The following CCSER1 variants were observed in gnomAD, a reference collection of about 807,000 sequenced individuals.
CCSER1 encodes coiled-coil serine rich protein 1, also known as serine-rich coiled-coil domain-containing protein 1.
A neutral mutation model predicts 82.0 loss-of-function variants in CCSER1; 41 were observed. The ratio of observed to expected loss-of-function variants is 0.50; its 90% CI spans 0.39 to 0.65. The LOEUF (loss-of-function observed/expected upper bound fraction) is 0.65. CCSER1 is among the 30% of genes least tolerant of loss of function. The pLI, the probability that CCSER1 is intolerant of heterozygous loss-of-function variation, is 0.00. For missense variants in CCSER1, 1,119 were observed against 1,064.2 expected, an observed-to-expected ratio of 1.05 and a Z score of -0.72; for synonymous variants, 414 against 383.9, an observed-to-expected ratio of 1.08 and a Z score of -0.92.
chr4:91,135,643 G>A (rs1728391585), intron 10 of CCSER1, among the ~76,000 whole-genome samples: 1 of 151,974 alleles, frequency 6.6e-6, no homozygotes, highest in Non-Finnish European at 1.5e-5. Context: ...TAGATGCACA[G>A]ACACCTACAC....
intron 10 of CCSER1, among the ~76,000 whole-genome samples, chr4:91,363,356 T>TG (rs376582128): frequency 0.15 from 1,752 of 11,920 alleles, 27 homozygotes; most frequent in South Asian, 0.3. Context: ...ATGGAGATAT[T>TG]TTGTGTGTGT....
chr4:90,782,521 A>G lies in CCSER1; in HGVS notation c.2011-33241A>G, dbSNP rs545924307. Reference sequence around the variant, plus strand: ...TGAAACAAAGGCAGGGAAAGCAGTTATGAATATTTCTAACCAGATATAAAG... The same window carrying G: ...TGAAACAAAGGCAGGGAAAGCAGTTGTGAATATTTCTAACCAGATATAAAG... On this transcript the variant is annotated intron_variant, in intron 7 of 10. Transcript: ENST00000509176. 3.3e-5 allele frequency among the ~76,000 whole-genome samples: 5 copies of G among 152,286 alleles called. No individual in the cohort carries two copies. In the South Asian group the frequency reaches 1.0e-3, roughly 32 times the overall value.
chr4:90,223,309 G>C (rs1242821054), intron 1 of CCSER1, among the ~76,000 whole-genome samples: 2 of 152,136 alleles, frequency 1.3e-5, no homozygotes, highest in Non-Finnish European at 2.9e-5. Context: ...TGTGATAAAA[G>C]ATAATATTGA....
At chr4:91,124,096 C>T (rs1727306703) in intron 10 of CCSER1, among the ~76,000 whole-genome samples, 1 of 151,712 alleles carries the variant, frequency 6.6e-6, no homozygotes, top group East Asian at 1.9e-4. Flanking sequence ...GACTATGTGA[C>T]TAAAGTATAA....
intron 10 of CCSER1, among the ~76,000 whole-genome samples, chr4:91,301,542 A>G (rs978655664): frequency 1.6e-4 from 19 of 116,588 alleles, no homozygotes; most frequent in African/African-American, 6.0e-4. Context: ...AAAATATAGT[A>G]TATATATATA....
At chr4:90,390,868 T>C (rs1024819170) in intron 3 of CCSER1, among the ~76,000 whole-genome samples, 1 of 152,156 alleles carries the variant, frequency 6.6e-6, no homozygotes, top group Non-Finnish European at 1.5e-5. Context: ...CCAAACTCTT[T>C]TCCATAGTGG....
At chr4:90,293,802 T>C (rs1276015226) in intron 1 of CCSER1, among the ~76,000 whole-genome samples, 2 of 151,734 alleles carry the variant, frequency 1.3e-5, no homozygotes, top group Non-Finnish European at 2.9e-5. Context: ...ATAAGTAAAA[T>C]ATAAACTGAC....
chr4:90,367,489 G>A (rs187204772), intron 3 of CCSER1, among the ~76,000 whole-genome samples: 2 of 151,904 alleles, frequency 1.3e-5, no homozygotes, highest in Admixed American at 1.3e-4. Flanking sequence ...TTGTGTTTTA[G>A]CTAGCCATAT....
chr4:90,703,936 T>G (rs1731975827), intron 6 of CCSER1, among the ~76,000 whole-genome samples: 1 of 152,134 alleles, frequency 6.6e-6, no homozygotes, highest in Non-Finnish European at 1.5e-5. Flanking sequence ...CAATTTGCCA[T>G]TCTGTGTCTT....
At chr4:91,594,205 A>G (rs1279907556) in intron 10 of CCSER1, among the ~76,000 whole-genome samples, 2 of 151,832 alleles carry the variant, frequency 1.3e-5, no homozygotes, top group Admixed American at 1.3e-4. Context: ...AATTCTTCAG[A>G]GGTAATAAAC....
chr4:91,439,531 C>T (rs1196444337), intron 10 of CCSER1, among the ~76,000 whole-genome samples: 2 of 152,006 alleles, frequency 1.3e-5, no homozygotes, highest in African/African-American at 4.8e-5. Context: ...AAAATCACGC[C>T]AAATTGTAAA....
intron 7 of CCSER1, among the ~76,000 whole-genome samples, chr4:90,749,942 C>T (rs969529047): frequency 6.6e-6 from 1 of 152,032 alleles, no homozygotes; most frequent in African/African-American, 2.4e-5. Flanking sequence ...TCGACATCCT[C>T]TCCAGCACCT....
intron 10 of CCSER1, among the ~76,000 whole-genome samples, chr4:91,436,677 G>A (rs1754672333): frequency 6.6e-6 from 1 of 152,166 alleles, no homozygotes. Context: ...TTAAGATCAA[G>A]GCTATTTCTG....
At chr4:90,999,079 T>A (rs1302405563) in intron 9 of CCSER1, among the ~76,000 whole-genome samples, 1 of 152,224 alleles carries the variant, frequency 6.6e-6, no homozygotes, top group East Asian at 1.9e-4. Flanking sequence ...TTTTCATGGC[T>A]CCATAGTATT....
chr4:90,869,738 T>C (rs59669210), intron 8 of CCSER1, among the ~76,000 whole-genome samples: 1,926 of 151,636 alleles, frequency 0.013, 36 homozygotes, highest in African/African-American at 0.044. Flanking sequence ...TCTATTTCAG[T>C]GGAAGGTCAT....
At chr4:91,519,359 A>G (rs1468711759) in intron 10 of CCSER1, among the ~76,000 whole-genome samples, 1 of 152,224 alleles carries the variant, frequency 6.6e-6, no homozygotes, top group Non-Finnish European at 1.5e-5. Flanking sequence ...TCCGGGAGGT[A>G]CAGAGCTGCT....
intron 7 of CCSER1, among the ~76,000 whole-genome samples, chr4:90,753,313 C>T (rs905796793): frequency 1.3e-5 from 2 of 152,076 alleles, no homozygotes; most frequent in East Asian, 1.9e-4. Context: ...CAGAAACAAA[C>T]AGAAGGTATG....
chr4:91,378,143 G>A (rs2149332983), intron 10 of CCSER1, among the ~76,000 whole-genome samples: 1 of 152,240 alleles, frequency 6.6e-6, no homozygotes, highest in South Asian at 2.1e-4. Flanking sequence ...TGCTGTTTTG[G>A]TTACCGTAGC....
intron 3 of CCSER1, among the ~76,000 whole-genome samples, chr4:90,353,485 T>A (rs565430179): frequency 6.6e-5 from 10 of 152,292 alleles, no homozygotes; most frequent in Non-Finnish European, 1.2e-4. Flanking sequence ...CTATAAACTC[T>A]GAAAATGATG....
Sources: gnomAD v4.1 joint callset for allele counts (sites outside exome capture counted in the v4.1 genomes callset) on GRCh38, gnomAD v4.1.1 for gene constraint, MANE v1.5 for transcripts, NCBI Gene and HGNC (gene_info 2026-07-23, HGNC 2026-07-21) for gene names.